The following ADARB2 variants were observed in gnomAD, a reference collection of about 807,000 sequenced individuals.
ADARB2 encodes inactive double-stranded RNA-specific editase B2.
Under a neutral mutation model 62.2 loss-of-function variants are expected in ADARB2, and 25 were observed. The observed-to-expected ratio is 0.40, with a 90% CI of 0.29 to 0.56. The LOEUF (loss-of-function observed/expected upper bound fraction) is 0.56, where lower values mean the gene tolerates loss of function less well. ADARB2 is among the 20% of genes least tolerant of loss of function. ADARB2 has a pLI of 0.43. For synonymous variants in ADARB2, 572 were observed against 500.8 expected, an observed-to-expected ratio of 1.14 and a Z score of -1.90; for missense variants, 1,071 against 1,077.4, an observed-to-expected ratio of 0.99 and a Z score of 0.08.
At chr10:1,495,756 T>C in intron 1 of ADARB2, among the ~76,000 whole-genome samples, 1 of 148,398 alleles carries the variant, frequency 6.7e-6, no homozygotes, top group African/African-American at 2.4e-5. Context: ...ATCATCATCA[T>C]CATTATCATT....
At chr10:1,434,205 G>T (rs1448305604) in intron 1 of ADARB2, among the ~76,000 whole-genome samples, 1 of 152,164 alleles carries the variant, frequency 6.6e-6, no homozygotes, top group Non-Finnish European at 1.5e-5. Flanking sequence ...GGCTGATAAC[G>T]AGAGATTTAA....
intron 1 of ADARB2, among the ~76,000 whole-genome samples, chr10:1,671,663 A>G (rs1834386465): frequency 6.6e-6 from 1 of 151,992 alleles, no homozygotes; most frequent in Non-Finnish European, 1.5e-5. Context: ...TTCTGTGCCT[A>G]TAACATTGCA....
chr10:1,453,657 C>A (rs1232897622), intron 1 of ADARB2, among the ~76,000 whole-genome samples: 1 of 152,106 alleles, frequency 6.6e-6, no homozygotes, highest in Non-Finnish European at 1.5e-5. Flanking sequence ...AACACACACA[C>A]AAAACAAAGA....
chr10:1,280,004 C>T (rs937297021), intron 3 of ADARB2, among the ~76,000 whole-genome samples: 4 of 152,110 alleles, frequency 2.6e-5, no homozygotes, highest in Admixed American at 1.3e-4. Flanking sequence ...GTGCATTTGC[C>T]ATGCAAGAAG....
chr10:1,678,165 A>G, intron 1 of ADARB2: 1 of 985,412 alleles, frequency 1.0e-6, no homozygotes, highest in African/African-American at 1.7e-5. Flanking sequence ...GGGGTCGGTC[A>G]CCCAGCAAAT....
At chr10:1,556,674 C>T (rs371121629) in intron 1 of ADARB2, 1 of 534,434 alleles carries the variant, frequency 1.9e-6, no homozygotes, top group Middle Eastern at 3.2e-4. Flanking sequence ...CCGGCTGCAA[C>T]CAGAGCTCAG....
At chr10:1,691,734 C>T (rs756913121) in intron 1 of ADARB2, among the ~76,000 whole-genome samples, 2 of 152,180 alleles carry the variant, frequency 1.3e-5, no homozygotes, top group African/African-American at 2.4e-5. Flanking sequence ...TGCTCTGGTT[C>T]GTCCCGCACC....
Position 1,327,109 on chromosome 10 carries a change from C to T in ADARB2, c.1077+35919G>A, listed in dbSNP as rs1396297853. 7.3e-5 allele frequency among the ~76,000 whole-genome samples: 8 copies of T among 110,274 alleles called. 1 individual carries two copies. The highest frequency in any genetic ancestry group is 1.6e-4 in the Non-Finnish European group (8 of 49,830). 72.3% of individuals were successfully genotyped at this position (110,274 alleles called of 152,430 possible). A position where few individuals can be genotyped will look rare whatever the true frequency, so the allele number is the denominator to read the frequency against. On this transcript the variant is annotated intron_variant, in intron 3 of 9. Coordinates refer to ENST00000381312, the MANE Select transcript of ADARB2 (RefSeq NM_018702.4). ...CTCCTCACTGCACAGCGCCTCCCCA[C>T]GGCACAGCGCCTCACTGCACAGCGC...
At chr10:1,275,501 T>C (rs1197012004) in intron 3 of ADARB2, among the ~76,000 whole-genome samples, 1 of 148,152 alleles carries the variant, frequency 6.7e-6, no homozygotes, top group African/African-American at 2.4e-5. Context: ...AGTCTTTCTT[T>C]CTTTCCTTCT....
intron 4 of ADARB2, among the ~76,000 whole-genome samples, chr10:1,246,289 C>T (rs1258597584): frequency 6.7e-6 from 1 of 150,264 alleles, no homozygotes; most frequent in Non-Finnish European, 1.5e-5. Context: ...CTGTAGGTTG[C>T]CTGTTCACTC....
intron 3 of ADARB2, among the ~76,000 whole-genome samples, chr10:1,323,250 T>TAAAAAAAA (rs201803705): frequency 7.7e-6 from 1 of 130,460 alleles, no homozygotes; most frequent in African/African-American, 2.6e-5. Context: ...TTTGAAATTG[T>TAAAAAAAA]AAAAAAAAAA....
intron 1 of ADARB2, among the ~76,000 whole-genome samples, chr10:1,642,856 G>A (rs999847920): frequency 1.3e-5 from 2 of 152,154 alleles, no homozygotes; most frequent in African/African-American, 2.4e-5. Context: ...GCTGTGAACT[G>A]CAGGCAGGTA....
At position 1,568,800 on chromosome 10, in the gene ADARB2, C is replaced by CTA. The variant is rs138239870; in HGVS notation, c.100+168250_100+168251insTA. Among the ~76,000 whole-genome samples the CTA allele has an allele frequency of 2.6e-4, 39 of 148,574 alleles. 1 individual carries two copies. In the South Asian group the frequency reaches 7.0e-3, roughly 27 times the overall value. On this transcript the variant is annotated intron_variant, in intron 1 of 9. Transcript: ENST00000381312. ...TGTGCATATATCTATATGTCTCTATCTCTATCTATCTATCTATCTATCTAT... is the reference window on the plus strand; with the variant it reads ...TGTGCATATATCTATATGTCTCTATCTATCTATCTATCTATCTATCTATCTAT...
chr10:1,666,349 TC>T (rs1348130006), intron 1 of ADARB2, among the ~76,000 whole-genome samples: 3 of 152,182 alleles, frequency 2.0e-5, no homozygotes, highest in East Asian at 1.9e-4. Flanking sequence ...GGGCCGCAGC[TC>T]ATCTGCGAGT....
At chr10:1,185,596 G>T (rs1836742240) in intron 8 of ADARB2, among the ~76,000 whole-genome samples, 4 of 152,252 alleles carry the variant, frequency 2.6e-5, no homozygotes. Context: ...CAGAGTGTTT[G>T]AGACTCAGTG....
chr10:1,524,574 C>T (rs933079363), intron 1 of ADARB2, among the ~76,000 whole-genome samples: 4 of 152,170 alleles, frequency 2.6e-5, no homozygotes, highest in Non-Finnish European at 5.9e-5. Flanking sequence ...AATGTAGTAT[C>T]TCCCACTTCT....
At chr10:1,467,754 G>A (rs1310089903) in intron 1 of ADARB2, among the ~76,000 whole-genome samples, 1 of 152,200 alleles carries the variant, frequency 6.6e-6, no homozygotes, top group Non-Finnish European at 1.5e-5. Context: ...AAATGTTGAT[G>A]CTGGTGGATT....
chr10:1,698,399 G>A (rs998865636), intron 1 of ADARB2, among the ~76,000 whole-genome samples: 13 of 152,190 alleles, frequency 8.5e-5, no homozygotes, highest in African/African-American at 2.4e-4. Context: ...GGGGCTCTGC[G>A]ACCTCCGATG....
chr10:1,731,001 T>A (rs1469993221), intron 1 of ADARB2, among the ~76,000 whole-genome samples: 1 of 152,340 alleles, frequency 6.6e-6, no homozygotes, highest in East Asian at 1.9e-4. Flanking sequence ...TGATTAAATA[T>A]CCACAGTGCA....
Sources: gnomAD v4.1 joint callset for allele counts (sites outside exome capture counted in the v4.1 genomes callset) on GRCh38, gnomAD v4.1.1 for gene constraint, MANE v1.5 for transcripts, NCBI Gene and HGNC (gene_info 2026-07-23, HGNC 2026-07-21) for gene names.